Variants in SHISA9 observed in about 807,000 individuals in gnomAD.
The protein encoded by SHISA9 is protein shisa-9.
SHISA9 carries 13 observed loss-of-function variants against 38.0 expected under a neutral mutation model. That is an observed-to-expected ratio of 0.34 (90% CI 0.22 to 0.54). The LOEUF is 0.54. Ranked by LOEUF, SHISA9 falls within the 20% of genes least tolerant of loss-of-function variation. SHISA9 has a pLI of 0.91. For synonymous variants in SHISA9, 275 were observed against 242.0 expected (o/e 1.14, Z -1.27); for missense variants, 538 against 575.8 (o/e 0.93, Z 0.67).
intron 3 of SHISA9, among the ~76,000 whole-genome samples, chr16:13,206,219 A>C (rs1429688102): frequency 6.6e-6 from 1 of 152,014 alleles, no homozygotes; most frequent in African/African-American, 2.4e-5. Context: ...TTATTCATAA[A>C]ATTTATTTAT....
intron 1 of SHISA9, among the ~76,000 whole-genome samples, chr16:12,907,007 AT>A (rs528472181): frequency 9.1e-4 from 138 of 151,422 alleles, no homozygotes; most frequent in African/African-American, 3.2e-3. Context: ...CTCTTTCCAT[AT>A]TTTTTTCTTT....
At chr16:13,329,064 T>C in the SHISA9 span, among the ~76,000 whole-genome samples, 5 of 152,006 alleles carry the variant, frequency 3.3e-5, no homozygotes, top group African/African-American at 4.8e-5. Context: ...CTTCCCTTCT[T>C]TTTGCTAAAC....
At chr16:13,491,411 A>G in the SHISA9 span, among the ~76,000 whole-genome samples, 1,232 of 146,324 alleles carry the variant, frequency 8.4e-3, 17 homozygotes, top group African/African-American at 0.03. Flanking sequence ...CCTTTTGGAG[A>G]CTTTCCTGAT....
At chr16:13,371,544 A>C in the SHISA9 span, among the ~76,000 whole-genome samples, 1 of 152,216 alleles carries the variant, frequency 6.6e-6, no homozygotes, top group Non-Finnish European at 1.5e-5. Context: ...GCTATAGTAC[A>C]GTACCTCTTG....
At chr16:12,909,308 T>C in intron 1 of SHISA9, 1 of 985,448 alleles carries the variant, frequency 1.0e-6, no homozygotes, top group African/African-American at 1.7e-5. Flanking sequence ...GTGTAATCAT[T>C]ACTCTAGAAA....
At chr16:13,453,098 C>G in the SHISA9 span, among the ~76,000 whole-genome samples, 1 of 151,876 alleles carries the variant, frequency 6.6e-6, no homozygotes, top group Non-Finnish European at 1.5e-5. Context: ...GTATGTTTGT[C>G]AGGCTGGTCT....
At chr16:13,276,290 G>T in the SHISA9 span, among the ~76,000 whole-genome samples, 161 of 147,282 alleles carry the variant, frequency 1.1e-3, 2 homozygotes, top group African/African-American at 4.1e-3. Flanking sequence ...TATATATATA[G>T]CACAGTTTCT....
the SHISA9 span, among the ~76,000 whole-genome samples, chr16:13,487,119 A>G: frequency 6.6e-6 from 1 of 152,180 alleles, no homozygotes; most frequent in Non-Finnish European, 1.5e-5. Flanking sequence ...CTCTTTCTTC[A>G]TTGCTTGTAC....
At chr16:13,042,662 T>C (rs539099222) in intron 2 of SHISA9, among the ~76,000 whole-genome samples, 1 of 152,220 alleles carries the variant, frequency 6.6e-6, no homozygotes, top group Non-Finnish European at 1.5e-5. Context: ...AGTTTTGTAT[T>C]TCAGATAAGA....
intron 2 of SHISA9, among the ~76,000 whole-genome samples, chr16:13,166,627 G>C (rs951748113): frequency 6.6e-6 from 1 of 152,098 alleles, no homozygotes; most frequent in African/African-American, 2.4e-5. Context: ...ACCACCATGA[G>C]GGCAGGCATT....
At position 13,048,444 on chromosome 16, in the gene SHISA9, C is replaced by T. The variant is rs555582527; in HGVS notation, c.691+131629C>T. ...GACTTATAACATTTTTTTTTTGAGA[C>T]GGAGTCTAGCTTTGTCACCCAGGCT... On this transcript the variant is annotated intron_variant, in intron 2 of 4. Transcript: ENST00000558583. Among the ~76,000 whole-genome samples the T allele has an allele frequency of 1.6e-4, 24 of 151,752 alleles. No individual in the cohort carries two copies. In the South Asian group the frequency reaches 2.9e-3, roughly 18 times the overall value.
the SHISA9 span, among the ~76,000 whole-genome samples, chr16:13,249,675 A>G: frequency 6.6e-6 from 1 of 151,632 alleles, no homozygotes; most frequent in Non-Finnish European, 1.5e-5. Flanking sequence ...ACTCAGTTGC[A>G]TCTTCTCTTC....
At chr16:13,491,157 G>A in the SHISA9 span, among the ~76,000 whole-genome samples, 23 of 152,178 alleles carry the variant, frequency 1.5e-4, no homozygotes, top group Middle Eastern at 3.4e-3. Flanking sequence ...GCTCATAAAC[G>A]GTGAAGTCAG....
At chr16:13,068,595 G>A (rs929742541) in intron 2 of SHISA9, among the ~76,000 whole-genome samples, 2 of 152,194 alleles carry the variant, frequency 1.3e-5, no homozygotes, top group African/African-American at 4.8e-5. Context: ...TAGCAGCTCC[G>A]TAAACAAACG....
chr16:13,041,012 G>A (rs137943459), intron 2 of SHISA9, among the ~76,000 whole-genome samples: 106 of 152,236 alleles, frequency 7.0e-4, no homozygotes, highest in African/African-American at 2.5e-3. Context: ...TAGACACAAA[G>A]CCCTTCATCC....
At chr16:13,251,865 C>T in the SHISA9 span, among the ~76,000 whole-genome samples, 5 of 152,120 alleles carry the variant, frequency 3.3e-5, no homozygotes, top group African/African-American at 1.2e-4. Context: ...GGTCATCCAA[C>T]AATTGACTAT....
intron 2 of SHISA9, among the ~76,000 whole-genome samples, chr16:12,930,204 A>AT: frequency 6.6e-6 from 1 of 152,270 alleles, no homozygotes; most frequent in South Asian, 2.1e-4. Context: ...CTCTATAAAA[A>AT]TTTTTCAGAT....
At chr16:13,178,214 G>A (rs929377125) in intron 2 of SHISA9, among the ~76,000 whole-genome samples, 42 of 152,084 alleles carry the variant, frequency 2.8e-4, no homozygotes, top group Non-Finnish European at 5.7e-4. Context: ...TCAGCTACAA[G>A]GATGGGTCAG....
intron 2 of SHISA9, among the ~76,000 whole-genome samples, chr16:13,021,690 T>C (rs2072856315): frequency 6.6e-6 from 1 of 152,226 alleles, no homozygotes. Context: ...TTATTTCCTC[T>C]TGGAATTTCC....
Sources: allele counts gnomAD v4.1 joint callset (sites outside exome capture counted in the v4.1 genomes callset), GRCh38; gene constraint gnomAD v4.1.1; transcripts MANE v1.5; gene names NCBI Gene and HGNC (gene_info 2026-07-23, HGNC 2026-07-21).